The following GEMIN5 variants were observed in gnomAD, a reference collection of about 807,000 sequenced individuals.
The protein encoded by GEMIN5 is gem-associated protein 5.
A neutral mutation model predicts 176.9 loss-of-function variants in GEMIN5; 124 were observed. The ratio of observed to expected loss-of-function variants is 0.70; its 90% CI spans 0.61 to 0.81. The LOEUF is 0.81. Ranked by LOEUF, GEMIN5 falls within the 40% of genes least tolerant of loss-of-function variation. The pLI is 0.00. For missense variants in GEMIN5, 1,843 were observed against 1,814.6 expected, an observed-to-expected ratio of 1.02 and a Z score of -0.28; for synonymous variants, 673 against 665.2, an observed-to-expected ratio of 1.01 and a Z score of -0.18.
intron 15 of GEMIN5, among the ~76,000 whole-genome samples, chr5:154,909,666 T>C (rs1462707408): frequency 6.6e-6 from 1 of 152,038 alleles, no homozygotes; most frequent in Non-Finnish European, 1.5e-5. Context: ...CTCACTGTGG[T>C]TTAGTTTTGC....
At chr5:154,908,440 C>T (rs939311139) in intron 15 of GEMIN5, among the ~76,000 whole-genome samples, 5 of 152,072 alleles carry the variant, frequency 3.3e-5, no homozygotes, top group Non-Finnish European at 7.4e-5. Context: ...CTCGGCCTCC[C>T]AAAGTGCTGG....
rs375444975 is a variant in GEMIN5, at chr5:154,897,910, T to G, written c.3345+530A>C. Among the ~76,000 whole-genome samples the G allele has an allele frequency of 3.3e-3, 345 of 104,702 alleles. 2 individuals carry two copies. The highest frequency in any genetic ancestry group is 9.9e-3 in the African/African-American group (316 of 31,926). The allele number at this position is 104,702 out of a possible 152,430, so 68.7% of individuals were successfully genotyped here. A position where few individuals can be genotyped will look rare whatever the true frequency, so the allele number is the denominator to read the frequency against. ...CCTGGGCTGACTAAGGTGTTTTTTT[T>G]TGTGTTTTTTTTTTTTTTTTTGAGA... is the stretch of plus-strand genomic sequence containing the variant. On this transcript the variant is annotated intron_variant, in intron 23 of 27. Transcript: ENST00000285873.
Position 154,937,189 on chromosome 5 carries a change from T to G in GEMIN5, c.167-4A>C. Reference sequence around the variant, plus strand: ...TGTCCCACCAACTCTCCTATGACTTTAAGCAAAACCAGACGCTAGGTTAAT... The same window carrying G: ...TGTCCCACCAACTCTCCTATGACTTGAAGCAAAACCAGACGCTAGGTTAAT... On this transcript the variant is annotated splice_region_variant and splice_polypyrimidine_tract_variant and intron_variant, in intron 1 of 27. Coordinates refer to ENST00000285873, the MANE Select transcript of GEMIN5 (RefSeq NM_015465.5). 1 of 1,595,678 alleles carries G rather than the reference T, an allele frequency of 6.3e-7. No individual in the cohort carries two copies. Among genetic ancestry groups the G allele is most frequent in the East Asian group, 2.2e-5 (1 of 44,468 alleles).
rs1271089366 is a variant in GEMIN5, at chr5:154,888,366, G to C, written c.4371C>G (p.Phe1457Leu). The stretch of plus-strand genomic sequence containing the variant: ...CGAGGCAGCACTCCAGCACATCTGG[G>C]AAGGGCCAGGCCTGAAAGACGATGA... ...KFPESIKAWP[F>L]PDVLECCLVL... The change falls in exon 28 of 28, where the codon TTC (phenylalanine) becomes TTG (leucine). Residue 1457 changes from phenylalanine (F) to leucine (L), a missense_variant. Transcript: ENST00000285873. The C allele has an allele frequency of 6.2e-7, 1 of 1,613,868 alleles. No individual in the cohort carries two copies.
Position 154,901,386 on chromosome 5 carries a change from G to T in GEMIN5, c.2967C>A (p.His989Gln). Reference sequence around the variant, plus strand: ...GCAGCTCCACCGCTTCATACACTTTGTGGATGGAAAGTAGGTGAGAAGCAG... The same window carrying T: ...GCAGCTCCACCGCTTCATACACTTTTTGGATGGAAAGTAGGTGAGAAGCAG... ...VKAASHLLSI[H>Q]KVYEAVELLK... Residue 989 changes from histidine to glutamine, a missense_variant, in exon 21 of 28, where the codon CAC becomes CAA. Coordinates refer to ENST00000285873, the MANE Select transcript of GEMIN5 (RefSeq NM_015465.5). 1 of 1,614,026 alleles carries T rather than the reference G, an allele frequency of 6.2e-7. No individual in the cohort carries two copies. The highest frequency in any genetic ancestry group is 8.5e-7 in the Non-Finnish European group (1 of 1,179,936).
At position 154,927,520 on chromosome 5, in the gene GEMIN5, T is replaced by C. The variant is rs199746622; in HGVS notation, c.945A>G (p.Gln315=). The C allele has an allele frequency of 7.3e-5, 118 of 1,610,042 alleles. No homozygotes were observed. The highest frequency in any genetic ancestry group is 1.4e-4 in the South Asian group (13 of 90,906). ...AGAGGGTGTATTTCCGTCTCCAAGATTGAGTGAGATCCCATTGCAACAGTT... is the reference window on the plus strand; with the variant it reads ...AGAGGGTGTATTTCCGTCTCCAAGACTGAGTGAGATCCCATTGCAACAGTT... ...GGELLQWDLT[Q]SWRRKYTLFS... is the part of the protein sequence containing the mutation. Residue 315 remains glutamine (Q), a synonymous_variant, in exon 7 of 28, where the codon CAA becomes CAG. Coordinates refer to ENST00000285873, the MANE Select transcript of GEMIN5 (RefSeq NM_015465.5).
At chr5:154,924,746 T>C (rs1413912319) in intron 8 of GEMIN5, among the ~76,000 whole-genome samples, 192 bp from the exon 9 acceptor site, 1 of 152,058 alleles carries the variant, frequency 6.6e-6, no homozygotes, top group Non-Finnish European at 1.5e-5. Context: ...TCCCAGCACT[T>C]TGGGAGGCAG....
chr5:154,894,747 A>T (rs1763312584), intron 24 of GEMIN5, among the ~76,000 whole-genome samples: 2 of 152,114 alleles, frequency 1.3e-5, no homozygotes, highest in South Asian at 4.1e-4. Flanking sequence ...CTCTACTAAA[A>T]ATACAAAAAA....
At chr5:154,914,002 A>G (rs1027313191) in intron 13 of GEMIN5, among the ~76,000 whole-genome samples, 6 of 151,810 alleles carry the variant, frequency 4.0e-5, no homozygotes, top group African/African-American at 1.5e-4. Flanking sequence ...CCCAGTTTCT[A>G]AAAAATAAAT....
At chr5:154,915,938 T>C (rs147264136) in intron 13 of GEMIN5, among the ~76,000 whole-genome samples, 4 of 152,354 alleles carry the variant, frequency 2.6e-5, no homozygotes, top group African/African-American at 4.8e-5. Context: ...AGGCAGTTTA[T>C]TGTAATACTA....
At position 154,888,919 on chromosome 5, in the gene GEMIN5, G is replaced by A. The variant is rs143042894; in HGVS notation, c.4359+402C>T. Among the ~76,000 whole-genome samples, 490 of 151,572 alleles carry A rather than the reference G, an allele frequency of 3.2e-3. 8 individuals carry two copies. In the East Asian group the frequency reaches 0.062, roughly 19 times the overall value. ...GTTGCCCAGGCTGGAGTGCAGTGGC[G>A]TGATCTTGGCTCACTGCAAGCTCCG... On this transcript the variant is annotated intron_variant, in intron 27 of 27. Coordinates refer to ENST00000285873, the MANE Select transcript of GEMIN5 (RefSeq NM_015465.5).
intron 10 of GEMIN5, among the ~76,000 whole-genome samples, chr5:154,920,471 A>ACATAG (rs1443864397): frequency 6.6e-6 from 1 of 152,236 alleles, no homozygotes; most frequent in Admixed American, 6.5e-5. Flanking sequence ...TTTGGGAATT[A>ACATAG]CATAGCACAG....
rs1763227851 is a variant in GEMIN5, at chr5:154,891,586, C to T, written c.3917G>A (p.Gly1306Asp). The change falls in exon 26 of 28, where the codon GGT (glycine) becomes GAT (aspartate). Residue 1306 changes from glycine to aspartate, a missense_variant. Coordinates refer to ENST00000285873, the MANE Select transcript of GEMIN5 (RefSeq NM_015465.5). ...TGGCTCAACAGAGAGTGTTCTGTGA[C>T]CAGCCCTTACCCAGACACTGGAATT... ...CPNSSVWVRA[G>D]HRTLSVEPSQ... 6.2e-7 allele frequency: 1 copy of T among 1,614,000 alleles called. No homozygotes were observed. Among genetic ancestry groups the T allele is most frequent in the Non-Finnish European group, 8.5e-7 (1 of 1,180,014 alleles).
chr5:154,895,520 G>GT (rs1274811647), intron 24 of GEMIN5, among the ~76,000 whole-genome samples: 1 of 152,140 alleles, frequency 6.6e-6, no homozygotes, highest in Non-Finnish European at 1.5e-5. Flanking sequence ...TAGGGAAGGA[G>GT]TGAAGGGCTG....
chr5:154,904,652 C>A, intron 17 of GEMIN5, 23 bp from the exon 18 acceptor site: 2 of 1,589,224 alleles, frequency 1.3e-6, no homozygotes, highest in Non-Finnish European at 1.7e-6. Flanking sequence ...AAAGTACATA[C>A]TATCTGAAGG....
intron 12 of GEMIN5, among the ~76,000 whole-genome samples, chr5:154,917,430 A>G (rs1387859963): frequency 6.6e-6 from 1 of 152,226 alleles, no homozygotes; most frequent in Non-Finnish European, 1.5e-5. Context: ...TAATTTTTAG[A>G]AATTTTAACT....
At chr5:154,921,538 G>A in intron 9 of GEMIN5, 113 bp from the exon 10 acceptor site, 1 of 630,724 alleles carries the variant, frequency 1.6e-6, no homozygotes, top group Non-Finnish European at 2.8e-6. Context: ...ACTAATAATT[G>A]GAGAAAAATA....
intron 3 of GEMIN5, among the ~76,000 whole-genome samples, chr5:154,933,003 G>A (rs1178815351): frequency 6.6e-6 from 1 of 152,198 alleles, no homozygotes; most frequent in Non-Finnish European, 1.5e-5. Flanking sequence ...TTCCAAGGCT[G>A]TCATTTTATG....
intron 15 of GEMIN5, among the ~76,000 whole-genome samples, chr5:154,911,501 A>G (rs1483053721): frequency 6.6e-6 from 1 of 152,166 alleles, no homozygotes; most frequent in Non-Finnish European, 1.5e-5. Context: ...CAACAGAGCG[A>G]GACTCTGTCT....
Sources: allele counts gnomAD v4.1 joint callset (sites outside exome capture counted in the v4.1 genomes callset), GRCh38; gene constraint gnomAD v4.1.1; transcripts MANE v1.5; gene names NCBI Gene and HGNC (gene_info 2026-07-23, HGNC 2026-07-21).